The following GRIN2B variants were observed in gnomAD, a reference collection of about 807,000 sequenced individuals.
The protein encoded by GRIN2B is glutamate receptor ionotropic, NMDA 2B.
GRIN2B carries 5 observed loss-of-function variants against 114.5 expected under a neutral mutation model. The observed-to-expected ratio is 0.04, with a 90% confidence interval of 0.02 to 0.09. GRIN2B has a LOEUF of 0.09. GRIN2B is among the 10% of genes least tolerant of loss of function. GRIN2B has a pLI of 1.00. For missense variants in GRIN2B, 1,108 were observed against 1,943.5 expected (o/e 0.57, Z 8.08); for synonymous variants, 787 against 745.1 (o/e 1.06, Z -0.92).
intron 4 of GRIN2B, among the ~76,000 whole-genome samples, chr12:13,690,324 C>CACACACAT (rs879363605): frequency 6.8e-6 from 1 of 146,862 alleles, no homozygotes; most frequent in Admixed American, 6.9e-5. Flanking sequence ...CACATGCACA[C>CACACACAT]GCACAATCTA....
chr12:13,620,050 A>G (rs1035684106), intron 5 of GRIN2B, among the ~76,000 whole-genome samples: 1 of 152,262 alleles, frequency 6.6e-6, no homozygotes, highest in Non-Finnish European at 1.5e-5. Context: ...AAAGATATAA[A>G]TAAAGTACTC....
chr12:13,900,582 T>C (rs1215453668), intron 2 of GRIN2B, among the ~76,000 whole-genome samples: 1 of 152,114 alleles, frequency 6.6e-6, no homozygotes, highest in Admixed American at 6.6e-5. Context: ...CGTCCAAAAA[T>C]GTCCCTGTGT....
At chr12:13,730,400 CTT>C (rs56762958) in intron 4 of GRIN2B, among the ~76,000 whole-genome samples, 3,643 of 152,260 alleles carry the variant, frequency 0.024, 145 homozygotes, top group African/African-American at 0.082. Flanking sequence ...TTTTGGTACT[CTT>C]TGTTCCAGGC....
intron 2 of GRIN2B, among the ~76,000 whole-genome samples, chr12:13,906,183 AATAGC>A (rs1204706385): frequency 6.6e-6 from 1 of 152,166 alleles, no homozygotes; most frequent in Non-Finnish European, 1.5e-5. Flanking sequence ...GGTTGGGCTA[AATAGC>A]CACACAGCCA....
rs1948504335 is a variant in GRIN2B, at chr12:13,558,763, C to T, written c.*4020G>A. 1 of 152,230 alleles carries T rather than the reference C, an allele frequency of 6.6e-6. No homozygotes were observed. The highest frequency in any genetic ancestry group is 1.5e-5 in the Non-Finnish European group (1 of 68,042). 9.4% of individuals were successfully genotyped at this position (152,230 alleles called of 1,614,324 possible). A position where few individuals can be genotyped will look rare whatever the true frequency, so the allele number is the denominator to read the frequency against. On this transcript the variant is annotated 3_prime_UTR_variant, in exon 14 of 14. Coordinates refer to ENST00000609686, the MANE Select transcript of GRIN2B (RefSeq NM_000834.5). ...ACATATGAAGGATGTTTCCCAAGTT[C>T]TGGCTGAGGATACACAGTGACAGAT...
At chr12:13,956,354 G>A (rs890151860) in intron 2 of GRIN2B, among the ~76,000 whole-genome samples, 3 of 152,206 alleles carry the variant, frequency 2.0e-5, no homozygotes, top group African/African-American at 7.2e-5. Context: ...GGCTTCCGAG[G>A]AGGCAGATAT....
At chr12:13,590,301 C>G (rs1274562360) in intron 10 of GRIN2B, among the ~76,000 whole-genome samples, 1 of 151,860 alleles carries the variant, frequency 6.6e-6, no homozygotes, top group Non-Finnish European at 1.5e-5. Context: ...ATACACGTAC[C>G]ACGGTGGTTT....
chr12:13,563,902 T>C lies in GRIN2B; in HGVS notation c.3336A>G (p.Arg1112=). 1.9e-6 allele frequency: 3 copies of C among 1,614,032 alleles called. No homozygotes were observed. In the South Asian group the frequency reaches 3.3e-5, roughly 18 times the overall value. The change falls in exon 14 of 14, where the codon CGA becomes CGG. Residue 1112 remains arginine (R), a synonymous_variant. Coordinates refer to ENST00000609686, the MANE Select transcript of GRIN2B (RefSeq NM_000834.5). The part of the protein sequence containing the change: ...FDEIELAYRR[R]PPRSPDHKRY... ...GCTTGTGGTCAGGGGAGCGGGGCGG[T>C]CGGCGACGGTAGGCCAGCTCGATCT...
At chr12:13,812,930 ATTTTTTTTTT>A in intron 3 of GRIN2B, among the ~76,000 whole-genome samples, 1 of 118,390 alleles carries the variant, frequency 8.4e-6, no homozygotes, top group East Asian at 2.4e-4. Flanking sequence ...AGTTTTGGGA[ATTTTTTTTTT>A]TTTTTTTTTT....
intron 2 of GRIN2B, among the ~76,000 whole-genome samples, chr12:13,878,865 A>G (rs577453928): frequency 6.6e-6 from 1 of 152,366 alleles, no homozygotes; most frequent in South Asian, 2.1e-4. Flanking sequence ...GGAGTCAGAA[A>G]AATATAGCAA....
rs1286215929 is a variant in GRIN2B, at chr12:13,866,215, C to T, written c.-7G>A. ...ACTCCGCTCTGGGCTTCATCTTCAA[C>T]TCGTCGACTCCCTGCAAACACAAAG... On this transcript the variant is annotated 5_prime_UTR_variant, in exon 3 of 14. Coordinates refer to ENST00000609686, the MANE Select transcript of GRIN2B (RefSeq NM_000834.5). The T allele has an allele frequency of 6.2e-7, 1 of 1,605,434 alleles. No homozygotes were observed. Among genetic ancestry groups the T allele is most frequent in the African/African-American group, 1.3e-5 (1 of 74,906 alleles).
chr12:13,936,262 T>A (rs1867129243), intron 2 of GRIN2B, among the ~76,000 whole-genome samples: 1 of 152,164 alleles, frequency 6.6e-6, no homozygotes, highest in Non-Finnish European at 1.5e-5. Context: ...GTGCTGGAGC[T>A]GATTGGAGTT....
intron 4 of GRIN2B, among the ~76,000 whole-genome samples, chr12:13,679,050 A>T (rs1023490161): frequency 6.6e-6 from 1 of 151,862 alleles, no homozygotes; most frequent in Non-Finnish European, 1.5e-5. Flanking sequence ...AAAGAAAGAG[A>T]GGAAAAGGAG....
At chr12:13,578,402 C>T (rs1045976089) in intron 10 of GRIN2B, among the ~76,000 whole-genome samples, 39 of 152,180 alleles carry the variant, frequency 2.6e-4, no homozygotes, top group African/African-American at 9.4e-4. Flanking sequence ...TGCACCATGT[C>T]AGAAGTCCAA....
At chr12:13,837,934 G>A (rs878896051) in intron 3 of GRIN2B, among the ~76,000 whole-genome samples, 9 of 152,106 alleles carry the variant, frequency 5.9e-5, no homozygotes, top group African/African-American at 1.9e-4. Context: ...GGCACACTGC[G>A]TTTCTAACAA....
chr12:13,943,137 T>C (rs981231657), intron 2 of GRIN2B, among the ~76,000 whole-genome samples: 1 of 152,100 alleles, frequency 6.6e-6, no homozygotes, highest in Non-Finnish European at 1.5e-5. Flanking sequence ...CACTTCTCAG[T>C]AGATGTGCCT....
intron 10 of GRIN2B, among the ~76,000 whole-genome samples, chr12:13,578,688 T>G (rs1401183620): frequency 1.3e-5 from 2 of 152,154 alleles, no homozygotes; most frequent in African/African-American, 4.8e-5. Flanking sequence ...TAGTTTGCTG[T>G]GTAGCAATAG....
chr12:13,606,235 A>T (rs1949246102), intron 10 of GRIN2B, among the ~76,000 whole-genome samples: 1 of 151,970 alleles, frequency 6.6e-6, no homozygotes, highest in Non-Finnish European at 1.5e-5. Flanking sequence ...AGAAAGATTC[A>T]GTTGGCTCAC....
chr12:13,767,910 G>A (rs2136642874), intron 3 of GRIN2B, among the ~76,000 whole-genome samples: 1 of 152,158 alleles, frequency 6.6e-6, no homozygotes, highest in African/African-American at 2.4e-5. Context: ...GGTGACGAAG[G>A]GTAAGTTTGT....
Sources: gnomAD v4.1 joint callset for allele counts (sites outside exome capture counted in the v4.1 genomes callset) on GRCh38, gnomAD v4.1.1 for gene constraint, MANE v1.5 for transcripts, NCBI Gene and HGNC (gene_info 2026-07-23, HGNC 2026-07-21) for gene names.